AHNAK: variants seen among roughly 807,000 people sequenced by gnomAD.
The protein encoded by AHNAK is neuroblast differentiation-associated protein AHNAK.
In AHNAK, 23 loss-of-function variants were observed where a neutral mutation model predicts 37.8. The ratio of observed to expected loss-of-function variants is 0.61; its 90% CI spans 0.44 to 0.86. The LOEUF is 0.86. AHNAK is among the 40% of genes least tolerant of loss of function. The pLI is 0.00. For synonymous variants in AHNAK, 2,481 were observed against 2,636.3 expected (o/e 0.94, Z 1.80); for missense variants, 7,411 against 7,319.4 (o/e 1.01, Z -0.46).
In AHNAK at chr11:62,529,636, T is replaced by A. The variant is rs1458923021; in HGVS notation, c.4781A>T (p.Lys1594Ile). 5 of 1,614,198 alleles carry A rather than the reference T, an allele frequency of 3.1e-6. No homozygotes were observed. The highest frequency in any genetic ancestry group is 4.2e-6 in the Non-Finnish European group (5 of 1,180,042). Residue 1594 changes from lysine (K) to isoleucine (I), a missense_variant, in exon 5 of 5, where the codon AAA (lysine) becomes ATA (isoleucine). By Grantham distance (102) the Lys-to-Ile change is moderately radical. Transcript: ENST00000378024. The stretch of plus-strand genomic sequence containing the variant: ...GGGAAGGGAAACATCTACATCAGTT[T>A]TCAGTTTAGGGGCTTTCAAATTAAG... ...VGLNLKAPKL[K>I]TDVDVSLPKV...
chr11:62,542,999 A>AAG (rs1437499180), intron 1 of AHNAK, among the ~76,000 whole-genome samples: 2 of 152,080 alleles, frequency 1.3e-5, no homozygotes, highest in African/African-American at 4.8e-5. Flanking sequence ...TCTGTCGCTG[A>AAG]AGAGCTACCC....
rs200934114 is a variant in AHNAK at position 62,527,660 on chromosome 11, T to C, written c.6757A>G (p.Met2253Val). Reference sequence around the variant, plus strand: ...GGGCCCTCTCCTTTGAAGCCAGGCATGCTGAACTTGGGCATTTTCATCTTA... The same window carrying C: ...GGGCCCTCTCCTTTGAAGCCAGGCACGCTGAACTTGGGCATTTTCATCTTA... ...MPKMKMPKFS[M>V]PGFKGEGPEV... The change falls in exon 5 of 5, where the codon ATG becomes GTG. Residue 2253 changes from methionine to valine, a missense_variant. Transcript: ENST00000378024. 1.9e-6 allele frequency: 3 copies of C among 1,614,078 alleles called. No homozygotes were observed. Among genetic ancestry groups the C allele is most frequent in the East Asian group, 2.2e-5 (1 of 44,858 alleles).
rs1940572957 is a variant in AHNAK, at chr11:62,528,123, C to A, written c.6294G>T (p.Gly2098=). ...VPDVSLEGPE[G]KLKGPKLKMP... ...TCTTAAGCTTGGGGCCCTTCAGCTT[C>A]CCTTCTGGACCTTCAAGGCTCACAT... The change falls in exon 5 of 5, where the codon GGG becomes GGT. Residue 2098 remains glycine (G), a synonymous_variant. Coordinates refer to ENST00000378024, the MANE Select transcript of AHNAK (RefSeq NM_001620.3). 1.9e-6 allele frequency: 3 copies of A among 1,609,446 alleles called. No individual in the cohort carries two copies. The South Asian group carries it at 3.3e-5, about 18-fold the overall frequency.
chr11:62,491,369 C>T (rs969027122), intron 5 of AHNAK, among the ~76,000 whole-genome samples: 3 of 152,140 alleles, frequency 2.0e-5, no homozygotes, highest in Admixed American at 6.5e-5. Context: ...GATTCCAACC[C>T]TTTAATTCTG....
intron 1 of AHNAK, among the ~76,000 whole-genome samples, chr11:62,543,755 G>A (rs144955648): frequency 9.3e-4 from 142 of 152,262 alleles, no homozygotes; most frequent in African/African-American, 3.2e-3. Context: ...GATGGGGGAC[G>A]AAGAGAAGTC....
chr11:62,528,976 T>C lies in AHNAK; in HGVS notation c.5441A>G (p.Gln1814Arg). 1 of 1,614,146 alleles carries C rather than the reference T, an allele frequency of 6.2e-7. No homozygotes were observed. Among genetic ancestry groups the C allele is most frequent in the East Asian group, 2.2e-5 (1 of 44,878 alleles). ...CACAAAAGGACCTTTGACATCAACT[T>C]GCGGCCCTCTGAGATCACCTTCCAG... is the stretch of plus-strand genomic sequence containing the variant. ...PELEGDLRGP[Q>R]VDVKGPFVEA... The change falls in exon 5 of 5, where the codon CAA becomes CGA. Residue 1814 changes from glutamine to arginine, a missense_variant. By Grantham distance (43) the Gln-to-Arg change is conservative (BLOSUM62 1). Transcript: ENST00000378024.
intron 4 of AHNAK, among the ~76,000 whole-genome samples, chr11:62,495,809 G>A (rs991151730): frequency 1.3e-5 from 2 of 151,630 alleles, no homozygotes; most frequent in African/African-American, 4.8e-5. Flanking sequence ...AGAACTTTGG[G>A]AAGCCAAGGC....
At chr11:62,468,219 G>A (rs188548886) in intron 5 of AHNAK, among the ~76,000 whole-genome samples, 1 of 152,158 alleles carries the variant, frequency 6.6e-6, no homozygotes, top group African/African-American at 2.4e-5. Context: ...GTGATGGCAC[G>A]CGCCTGTAGT....
intron 1 of AHNAK, among the ~76,000 whole-genome samples, chr11:62,539,612 CAG>C (rs1941062451): frequency 6.6e-6 from 1 of 152,244 alleles, no homozygotes; most frequent in Non-Finnish European, 1.5e-5. Flanking sequence ...GGGCCTCAGG[CAG>C]AGTCCCAGGG....
intron 5 of AHNAK, among the ~76,000 whole-genome samples, chr11:62,442,195 A>T (rs1164442135): frequency 1.3e-5 from 2 of 152,218 alleles, no homozygotes; most frequent in Non-Finnish European, 2.9e-5. Context: ...GCTGGGTTTC[A>T]TTTACAGTAG....
chr11:62,453,648 G>A (rs1206328995), intron 5 of AHNAK, among the ~76,000 whole-genome samples: 3 of 152,142 alleles, frequency 2.0e-5, no homozygotes, highest in Admixed American at 1.3e-4. Flanking sequence ...CCACCAAAAG[G>A]GGTGGGTGAC....
At position 62,516,845 on chromosome 11, in the gene AHNAK, T is replaced by TA; in HGVS notation, c.17571dup (p.Lys5858Ter). 3 of 1,614,150 alleles carry TA rather than the reference T, an allele frequency of 1.9e-6. No individual in the cohort carries two copies. Among genetic ancestry groups the TA allele is most frequent in the Non-Finnish European group, 2.5e-6 (3 of 1,180,028 alleles). ...GAAGAGGAGGACAGTCGGGACTTCT[T>TA]AGAGGCCAGGGACACCCCACTCCCC... On this transcript the variant is annotated frameshift_variant, in exon 5 of 5. Coordinates refer to ENST00000378024, the MANE Select transcript of AHNAK (RefSeq NM_001620.3). LOFTEE classifies it high-confidence loss of function.
Position 62,520,975 on chromosome 11 carries a change from A to G in AHNAK, c.13442T>C (p.Leu4481Pro). Reference sequence around the variant, plus strand: ...TTTCAGATCACTTTCCACCTTAGGTAGTGAAACATCCACATCACCCTTCAC... The same window carrying G: ...TTTCAGATCACTTTCCACCTTAGGTGGTGAAACATCCACATCACCCTTCAC... Reference protein sequence around the residue: ...PKVKGDVDVSLPKVESDLKGP... With the variant: ...PKVKGDVDVSPPKVESDLKGP... Residue 4481 changes from leucine (L) to proline (P), a missense_variant, in exon 5 of 5, where the codon CTA becomes CCA. Transcript: ENST00000378024. 1 of 1,614,164 alleles carries G rather than the reference A, an allele frequency of 6.2e-7. No homozygotes were observed. Among genetic ancestry groups the G allele is most frequent in the Non-Finnish European group, 8.5e-7 (1 of 1,180,040 alleles).
At chr11:62,497,269 T>C (rs1414909999) in intron 4 of AHNAK, among the ~76,000 whole-genome samples, 1 of 152,134 alleles carries the variant, frequency 6.6e-6, no homozygotes, top group Non-Finnish European at 1.5e-5. Flanking sequence ...ATTGGCATTG[T>C]CATCTCGTCA....
At chr11:62,488,847 AG>A (rs1939445539) in intron 5 of AHNAK, among the ~76,000 whole-genome samples, 1 of 152,128 alleles carries the variant, frequency 6.6e-6, no homozygotes, top group South Asian at 2.1e-4. Context: ...AGCACAGAGA[AG>A]GGGCCCTGAG....
At chr11:62,542,730 T>C (rs910028959) in intron 1 of AHNAK, among the ~76,000 whole-genome samples, 1 of 151,678 alleles carries the variant, frequency 6.6e-6, no homozygotes, top group African/African-American at 2.4e-5. Context: ...CAGTGGGGAG[T>C]CCCCACACCT....
Position 62,525,457 on chromosome 11 carries a change from T to G in AHNAK, c.8960A>C (p.Lys2987Thr). 6.2e-7 allele frequency: 1 copy of G among 1,613,344 alleles called. No homozygotes were observed. The highest frequency in any genetic ancestry group is 8.5e-7 in the Non-Finnish European group (1 of 1,179,924). ...AGGGCCCTTGAGGTCACCTTCCACT[T>G]TGGGCAGAGAAATATCCACATCGCC... is the stretch of plus-strand genomic sequence containing the variant. ...VKGDVDISLPKVEGDLKGPEV... is the reference protein window; with the variant it reads ...VKGDVDISLPTVEGDLKGPEV... Residue 2987 changes from lysine to threonine, a missense_variant, in exon 5 of 5, where the codon AAA (lysine) becomes ACA (threonine). Transcript: ENST00000378024.
chr11:62,470,030 G>C (rs1207292952), intron 5 of AHNAK, among the ~76,000 whole-genome samples: 1 of 152,172 alleles, frequency 6.6e-6, no homozygotes, highest in East Asian at 1.9e-4. Context: ...AGTTGGCCAC[G>C]TGCAGTGCTC....
intron 5 of AHNAK, among the ~76,000 whole-genome samples, chr11:62,481,125 G>A (rs1939264406): frequency 6.8e-6 from 1 of 147,304 alleles, no homozygotes. Context: ...GTTTTTTTGA[G>A]ACAGAGTTTC....
Sources: allele counts gnomAD v4.1 joint callset (sites outside exome capture counted in the v4.1 genomes callset), GRCh38; gene constraint gnomAD v4.1.1; transcripts MANE v1.5; gene names NCBI Gene and HGNC (gene_info 2026-07-23, HGNC 2026-07-21).